Variants in STX8 observed in about 807,000 individuals in gnomAD.
STX8 encodes syntaxin 8, also known as syntaxin-8.
STX8 carries 23 observed loss-of-function variants against 37.5 expected under a neutral mutation model. The ratio of observed to expected loss-of-function variants is 0.61; its 90% CI spans 0.44 to 0.87. The LOEUF (loss-of-function observed/expected upper bound fraction) is 0.87, where lower values mean the gene tolerates loss of function less well. Among genes scored for constraint, STX8 ranks in the 40% least tolerant of loss-of-function variants. The probability of loss-of-function intolerance (pLI) is 0.00; values close to 1 mark genes in which losing one functional copy is unlikely to be tolerated. For missense variants in STX8, 313 were observed against 284.7 expected, an observed-to-expected ratio of 1.10 and a Z score of -0.71; for synonymous variants, 115 against 99.1, an observed-to-expected ratio of 1.16 and a Z score of -0.95.
intron 7 of STX8, among the ~76,000 whole-genome samples, chr17:9,254,814 G>A (rs1353026221): frequency 6.6e-6 from 1 of 152,140 alleles, no homozygotes. Flanking sequence ...ACAGAGCCTG[G>A]CACAGGAAAG....
At chr17:9,531,856 A>C (rs1271891661) in intron 4 of STX8, among the ~76,000 whole-genome samples, 1 of 152,076 alleles carries the variant, frequency 6.6e-6, no homozygotes, top group Non-Finnish European at 1.5e-5. Flanking sequence ...AGCAGCCTTA[A>C]AATTTTTTCA....
intron 7 of STX8, among the ~76,000 whole-genome samples, chr17:9,293,656 C>T (rs751948897): frequency 7.2e-5 from 11 of 152,124 alleles, no homozygotes; most frequent in East Asian, 1.9e-4. Flanking sequence ...GAAGTGAATA[C>T]GACACTTTGT....
At chr17:9,528,831 A>C (rs1205325856) in intron 4 of STX8, among the ~76,000 whole-genome samples, 1 of 152,188 alleles carries the variant, frequency 6.6e-6, no homozygotes, top group East Asian at 1.9e-4. Flanking sequence ...GGAGATAAAA[A>C]CTAAAATCAA....
chr17:9,426,957 G>A (rs939944912), intron 6 of STX8, among the ~76,000 whole-genome samples: 2 of 151,896 alleles, frequency 1.3e-5, no homozygotes, highest in Non-Finnish European at 2.9e-5. Context: ...CTAGTTAAGA[G>A]ATAGAAAGAT....
chr17:9,414,055 TGTCC>T (rs2142338239), intron 6 of STX8, among the ~76,000 whole-genome samples: 5 of 115,598 alleles, frequency 4.3e-5, no homozygotes, highest in Non-Finnish European at 9.4e-5. Context: ...CCCGTCCGTC[TGTCC>T]ATCCATCCAT....
chr17:9,269,141 T>G (rs952515797), intron 7 of STX8, among the ~76,000 whole-genome samples: 1 of 150,650 alleles, frequency 6.6e-6, no homozygotes, highest in Admixed American at 6.6e-5. Flanking sequence ...GAGCCGAGAT[T>G]GCGCCACTGC....
intron 7 of STX8, among the ~76,000 whole-genome samples, chr17:9,324,221 A>C (rs546216686): frequency 2.0e-5 from 3 of 152,126 alleles, no homozygotes; most frequent in African/African-American, 7.2e-5. Context: ...TTTTTAATTA[A>C]GGAACTAGAG....
intron 7 of STX8, among the ~76,000 whole-genome samples, chr17:9,316,583 A>G (rs924546222): frequency 1.6e-4 from 24 of 152,214 alleles, no homozygotes. Context: ...CAGAGAGTGC[A>G]TGGAAGCTCT....
intron 7 of STX8, among the ~76,000 whole-genome samples, chr17:9,263,198 T>G (rs892121285): frequency 2.1e-5 from 3 of 142,892 alleles, no homozygotes; most frequent in African/African-American, 7.9e-5. Context: ...AAGGGACGGG[T>G]GCGTGCGGTG....
At chr17:9,465,943 C>T (rs2142428948) in intron 6 of STX8, among the ~76,000 whole-genome samples, 1 of 152,076 alleles carries the variant, frequency 6.6e-6, no homozygotes, top group Middle Eastern at 3.4e-3. Flanking sequence ...ATTCCAAAGC[C>T]CTTGTTTTTA....
intron 6 of STX8, among the ~76,000 whole-genome samples, chr17:9,380,414 A>G (rs957551663): frequency 6.6e-6 from 1 of 151,730 alleles, no homozygotes; most frequent in Non-Finnish European, 1.5e-5. Flanking sequence ...CACCACTCCC[A>G]GGTTATTGTT....
chr17:9,267,413 T>C (rs1292174251), intron 7 of STX8, among the ~76,000 whole-genome samples: 1 of 152,188 alleles, frequency 6.6e-6, no homozygotes, highest in Non-Finnish European at 1.5e-5. Flanking sequence ...AATCTTTGGA[T>C]AGAAAGCGCT....
At chr17:9,323,469 TAA>T (rs1253143048) in intron 7 of STX8, among the ~76,000 whole-genome samples, 1 of 152,170 alleles carries the variant, frequency 6.6e-6, no homozygotes, top group Non-Finnish European at 1.5e-5. Context: ...AACATGTCTT[TAA>T]TTCACATTGT....
chr17:9,317,548 A>G (rs1359770722), intron 7 of STX8, among the ~76,000 whole-genome samples: 1 of 152,078 alleles, frequency 6.6e-6, no homozygotes, highest in Non-Finnish European at 1.5e-5. Context: ...GGCAGATCAC[A>G]AGGGCAGGAG....
At chr17:9,302,555 G>T (rs1235085609) in intron 7 of STX8, among the ~76,000 whole-genome samples, 1 of 152,082 alleles carries the variant, frequency 6.6e-6, no homozygotes, top group Non-Finnish European at 1.5e-5. Flanking sequence ...TGCTCTAAAA[G>T]CTCTAAGAGT....
chr17:9,303,857 A>G (rs561927585), intron 7 of STX8, among the ~76,000 whole-genome samples: 73 of 152,298 alleles, frequency 4.8e-4, no homozygotes, highest in Non-Finnish European at 7.8e-4. Flanking sequence ...AAATCCATGA[A>G]ATAATTCCTT....
At chr17:9,474,008 T>G (rs1905992638) in intron 6 of STX8, among the ~76,000 whole-genome samples, 1 of 151,996 alleles carries the variant, frequency 6.6e-6, no homozygotes, top group South Asian at 2.1e-4. Context: ...AGGCTGGAGA[T>G]CAAGGTCAGT....
chr17:9,526,368 G>T (rs982951970), intron 4 of STX8, among the ~76,000 whole-genome samples: 1 of 152,068 alleles, frequency 6.6e-6, no homozygotes, highest in Admixed American at 6.5e-5. Flanking sequence ...TGGGAGCGTT[G>T]AGGCCTAAGA....
At chr17:9,322,279 G>A (rs1199832049) in intron 7 of STX8, among the ~76,000 whole-genome samples, 3 of 152,188 alleles carry the variant, frequency 2.0e-5, no homozygotes, top group African/African-American at 7.2e-5. Context: ...GCTCACTGCC[G>A]GAATAACCCT....
Sources: allele counts gnomAD v4.1 joint callset (sites outside exome capture counted in the v4.1 genomes callset), GRCh38; gene constraint gnomAD v4.1.1; transcripts MANE v1.5; gene names NCBI Gene and HGNC (gene_info 2026-07-23, HGNC 2026-07-21).